HEATR5B: variants seen among roughly 807,000 people sequenced by gnomAD.
HEATR5B encodes the protein HEAT repeat containing 5B, also known as HEAT repeat-containing protein 5B.
In HEATR5B, 156 loss-of-function variants were observed where a neutral mutation model predicts 224.1. That is an observed-to-expected ratio of 0.70 (90% CI 0.61 to 0.80). The LOEUF is 0.80. Ranked by LOEUF, HEATR5B falls within the 30% of genes least tolerant of loss-of-function variation. HEATR5B has a pLI of 0.00. For missense variants in HEATR5B, 2,323 were observed against 2,535.5 expected (o/e 0.92, Z 1.80); for synonymous variants, 1,027 against 893.0 (o/e 1.15, Z -2.68).
chr2:37,001,339 C>A (rs1446892102), intron 32 of HEATR5B, among the ~76,000 whole-genome samples: 1 of 152,056 alleles, frequency 6.6e-6, no homozygotes, highest in African/African-American at 2.4e-5. Context: ...TTCAACCTCC[C>A]ACAAAAGGAA....
In HEATR5B at chr2:37,043,422, T is replaced by A. The variant is rs545721636; in HGVS notation, c.2697-2130A>T. Among the ~76,000 whole-genome samples the A allele has an allele frequency of 8.5e-5, 13 of 152,342 alleles. No homozygotes were observed. The East Asian group carries it at 2.3e-3, about 27-fold the overall frequency. Reference sequence around the variant, plus strand: ...TCAGAATGGCCAAAGAACAATAGCATCTGCTCATTATAAAAGTATTTTGAG... The same window carrying A: ...TCAGAATGGCCAAAGAACAATAGCAACTGCTCATTATAAAAGTATTTTGAG... On this transcript the variant is annotated intron_variant, in intron 18 of 35. Transcript: ENST00000233099.
At chr2:36,984,720 T>C (rs2148315804) in intron 35 of HEATR5B, among the ~76,000 whole-genome samples, 1 of 152,204 alleles carries the variant, frequency 6.6e-6, no homozygotes, top group East Asian at 1.9e-4. Flanking sequence ...AAAAAATATT[T>C]TGAAAAGCAA....
chr2:37,008,888 G>T, intron 27 of HEATR5B, 40 bp from the exon 28 acceptor site: 1 of 1,184,668 alleles, frequency 8.4e-7, no homozygotes, highest in Non-Finnish European at 1.2e-6. Flanking sequence ...TAAGGCATAA[G>T]ATAAAAAAAT....
In HEATR5B at chr2:37,006,957, C is replaced by T. The variant is rs1352324933; in HGVS notation, c.4777+93G>A. 12 of 1,227,864 alleles carry T rather than the reference C, an allele frequency of 9.8e-6. No individual in the cohort carries two copies. The East Asian group carries it at 2.6e-4, about 26-fold the overall frequency. The allele number at this position is 1,227,864 out of a possible 1,614,324, so 76.1% of individuals were successfully genotyped here. On this transcript the variant is annotated intron_variant, in intron 29 of 35. Coordinates refer to ENST00000233099, the MANE Select transcript of HEATR5B (RefSeq NM_019024.3). ...TTCACTTTTCCTTCTCTGAACTGTG[C>T]TATACTGTACAAAATCTTTCCATAG...
At chr2:36,987,703 ATTAATAC>A (rs1206716514) in intron 35 of HEATR5B, among the ~76,000 whole-genome samples, 13 of 152,300 alleles carry the variant, frequency 8.5e-5, no homozygotes, top group African/African-American at 3.1e-4. Flanking sequence ...TATGTTTGGT[ATTAATAC>A]TTAACTGGTT....
chr2:37,015,693 C>T (rs920659071), intron 26 of HEATR5B, among the ~76,000 whole-genome samples: 3 of 152,118 alleles, frequency 2.0e-5, no homozygotes, highest in East Asian at 1.9e-4. Context: ...AGTGAGACAG[C>T]GTGATTTTAA....
At chr2:37,072,005 A>C (rs1671938074) in intron 6 of HEATR5B, 105 bp downstream of exon 6, 3 of 918,514 alleles carry the variant, frequency 3.3e-6, no homozygotes, top group Admixed American at 5.5e-5. Flanking sequence ...TTTTATGGAA[A>C]AGTAGACAAA....
intron 14 of HEATR5B, among the ~76,000 whole-genome samples, chr2:37,058,016 T>C (rs1671021675): frequency 6.6e-6 from 1 of 152,234 alleles, no homozygotes; most frequent in Non-Finnish European, 1.5e-5. Context: ...ACATAATATT[T>C]GATTTCTCCC....
chr2:36,994,149 T>C (rs988010213), intron 33 of HEATR5B, among the ~76,000 whole-genome samples: 15 of 152,142 alleles, frequency 9.9e-5, no homozygotes, highest in Non-Finnish European at 2.1e-4. Context: ...ATAATAATAT[T>C]AACAATAATG....
intron 18 of HEATR5B, among the ~76,000 whole-genome samples, chr2:37,049,043 A>G (rs1315428215): frequency 2.0e-5 from 3 of 152,192 alleles, no homozygotes; most frequent in Non-Finnish European, 4.4e-5. Context: ...TAATTTCTCT[A>G]CTTATGCACT....
intron 11 of HEATR5B, 73 bp downstream of exon 11, chr2:37,061,866 T>G: frequency 2.3e-6 from 2 of 851,542 alleles, no homozygotes; most frequent in Non-Finnish European, 3.8e-6. Flanking sequence ...GCTTAACACT[T>G]TTAAATTAAA....
intron 18 of HEATR5B, among the ~76,000 whole-genome samples, chr2:37,046,530 T>C (rs1244422065): frequency 6.7e-6 from 1 of 149,406 alleles, no homozygotes; most frequent in African/African-American, 2.5e-5. Context: ...TCCCAGCTAC[T>C]TGGGAGGCTG....
intron 11 of HEATR5B, among the ~76,000 whole-genome samples, chr2:37,061,295 C>A (rs187086704): frequency 1.6e-4 from 25 of 152,260 alleles, no homozygotes; most frequent in African/African-American, 5.8e-4. Flanking sequence ...ACATAAACTT[C>A]TGGAAATGAG....
intron 17 of HEATR5B, among the ~76,000 whole-genome samples, chr2:37,050,792 G>A (rs978819675): frequency 6.6e-6 from 1 of 152,104 alleles, no homozygotes; most frequent in Non-Finnish European, 1.5e-5. Context: ...TGTAATCCCC[G>A]ACTTTGGGAG....
chr2:37,059,038 A>T, intron 12 of HEATR5B, 51 bp from the exon 13 acceptor site: 1 of 1,104,648 alleles, frequency 9.1e-7, no homozygotes, highest in Non-Finnish European at 1.3e-6. Context: ...TGTGAACATG[A>T]ATTAATTTAT....
At position 37,079,312 on chromosome 2, in the gene HEATR5B, T is replaced by G. The variant is rs1672414161; in HGVS notation, c.146A>C (p.Gln49Pro). The part of the protein sequence containing the change: ...AANKTDVKEK[Q>P]KKLVEQLTGL... Reference sequence around the variant, plus strand: ...AGTTAATTGTTCAACAAGTTTTTTCTGTTTTTCCTTTACATCGGTCTGTTA... The same window carrying G: ...AGTTAATTGTTCAACAAGTTTTTTCGGTTTTTCCTTTACATCGGTCTGTTA... Residue 49 changes from glutamine (Q) to proline (P), a missense_variant, in exon 3 of 36, where the codon CAG (glutamine) becomes CCG (proline). By Grantham distance (76) the Gln-to-Pro change is moderately conservative. This residue lies in a region of HEATR5B where 292 missense variants were observed against 332.6 expected (regional missense o/e 0.88). Transcript: ENST00000233099. 6.2e-7 allele frequency: 1 copy of G among 1,606,410 alleles called. No individual in the cohort carries two copies. Among genetic ancestry groups the G allele is most frequent in the South Asian group, 1.1e-5 (1 of 88,922 alleles).
intron 20 of HEATR5B, among the ~76,000 whole-genome samples, chr2:37,038,618 T>G (rs1431627414): frequency 6.6e-6 from 1 of 152,210 alleles, no homozygotes; most frequent in East Asian, 1.9e-4. Flanking sequence ...CAGGAAGAAC[T>G]ATCCTCACTT....
Position 37,008,691 on chromosome 2 carries a change from CTGAGTGTTGGTAGTTCAGGTTG to C in HEATR5B, c.4420_4441del (p.Gln1474ValfsTer5). On this transcript the variant is annotated frameshift_variant, in exon 28 of 36. Transcript: ENST00000233099. LOFTEE classifies it high-confidence loss of function. ...TTTTAATGCTGCTAACCACAGGCGA[CTGAGTGTTGGTAGTTCAGGTTG>C]TACCAGTGTTATTAAACTATCTGGT... 1 of 1,614,146 alleles carries C rather than the reference CTGAGTGTTGGTAGTTCAGGTTG, an allele frequency of 6.2e-7. No individual in the cohort carries two copies. The highest frequency in any genetic ancestry group is 8.5e-7 in the Non-Finnish European group (1 of 1,180,030).
intron 18 of HEATR5B, among the ~76,000 whole-genome samples, chr2:37,041,806 A>T (rs1669890037): frequency 6.6e-6 from 1 of 151,282 alleles, no homozygotes; most frequent in Non-Finnish European, 1.5e-5. Context: ...TGACTGAATA[A>T]AGCCTATTTT....
Sources: gnomAD v4.1 joint callset for allele counts (sites outside exome capture counted in the v4.1 genomes callset) on GRCh38, gnomAD v4.1.1 for gene constraint, gnomAD v4.1.1 regional missense constraint, MANE v1.5 for transcripts, NCBI Gene and HGNC (gene_info 2026-07-23, HGNC 2026-07-21) for gene names.